Variants in FILIP1L observed in about 807,000 individuals in gnomAD.
FILIP1L encodes filamin A-interacting protein 1-like.
In FILIP1L, 55 loss-of-function variants were observed where a neutral mutation model predicts 96.6. The observed-to-expected ratio is 0.57, with a 90% CI of 0.46 to 0.71. The LOEUF (loss-of-function observed/expected upper bound fraction) is 0.71. Ranked by LOEUF, FILIP1L falls within the 30% of genes least tolerant of loss-of-function variation. The pLI, the probability that FILIP1L is intolerant of heterozygous loss-of-function variation, is 0.00. For missense variants in FILIP1L, 1,304 were observed against 1,321.2 expected (o/e 0.99, Z 0.20); for synonymous variants, 467 against 473.9 (o/e 0.99, Z 0.19).
intron 4 of FILIP1L, among the ~76,000 whole-genome samples, chr3:99,900,442 T>C (rs1267714712): frequency 6.6e-6 from 1 of 152,196 alleles, no homozygotes; most frequent in Non-Finnish European, 1.5e-5. Context: ...ATGAAGAAAC[T>C]GAGTCTCTAA....
intron 4 of FILIP1L, among the ~76,000 whole-genome samples, chr3:99,874,923 G>A (rs1705434753): frequency 6.6e-6 from 1 of 152,098 alleles, no homozygotes; most frequent in Non-Finnish European, 1.5e-5. Flanking sequence ...TCATTTTAGT[G>A]CCAACTAAAA....
rs545356638 is a variant in FILIP1L at position 100,066,517 on chromosome 3, C to CTTTT, written c.-11+47532_-11+47535dup. ...AAGGATGATGTGGAAGGCTTTGCTT[C>CTTTT]TTTTTTTTTTTTTTTTTTTTTTTTT... On this transcript the variant is annotated intron_variant, in intron 1 of 5. Coordinates refer to ENST00000477258, the MANE Select transcript of FILIP1L (RefSeq NM_001387850.1). Among the ~76,000 whole-genome samples, 98 of 38,330 alleles carry CTTTT rather than the reference C, an allele frequency of 2.6e-3. 2 individuals carry two copies. The highest frequency in any genetic ancestry group is 3.5e-3 in the African/African-American group (31 of 8,818). The allele number at this position is 38,330 out of a possible 152,430, so 25.1% of individuals were successfully genotyped here.
intron 1 of FILIP1L, among the ~76,000 whole-genome samples, chr3:100,074,675 A>ATTTTTTTTTTTT (rs555819875): frequency 0.015 from 510 of 34,794 alleles, 204 homozygotes; most frequent in East Asian, 0.022. Flanking sequence ...GCAACATTTG[A>ATTTTTTTTTTTT]TTTTTTTTTT....
intron 1 of FILIP1L, among the ~76,000 whole-genome samples, chr3:100,054,850 A>C (rs139378158): frequency 4.6e-5 from 7 of 152,306 alleles, no homozygotes; most frequent in Admixed American, 2.0e-4. Flanking sequence ...TTCAGATGCA[A>C]AAACTGAAAT....
chr3:99,887,491 A>C (rs1269645265), intron 4 of FILIP1L, among the ~76,000 whole-genome samples: 1 of 152,210 alleles, frequency 6.6e-6, no homozygotes, highest in Non-Finnish European at 1.5e-5. Context: ...CTGAGAGGTC[A>C]CATAAGATGG....
chr3:99,930,547 C>T (rs899221637), intron 2 of FILIP1L, among the ~76,000 whole-genome samples: 6 of 152,210 alleles, frequency 3.9e-5, no homozygotes, highest in Admixed American at 2.0e-4. Flanking sequence ...TGACCTTTCA[C>T]GACCTGTATG....
intron 5 of FILIP1L, among the ~76,000 whole-genome samples, chr3:99,847,567 C>T (rs998172918): frequency 2.0e-5 from 3 of 152,068 alleles, no homozygotes; most frequent in African/African-American, 7.2e-5. Context: ...CTTCTATGTG[C>T]TCATGAAAAC....
intron 1 of FILIP1L, among the ~76,000 whole-genome samples, chr3:100,055,875 AT>A (rs1200872380): frequency 6.6e-6 from 1 of 152,216 alleles, no homozygotes; most frequent in African/African-American, 2.4e-5. Flanking sequence ...GAAGTTTTTC[AT>A]AACTACCTTC....
chr3:99,942,929 G>A (rs1360234044), intron 1 of FILIP1L, among the ~76,000 whole-genome samples: 3 of 152,024 alleles, frequency 2.0e-5, no homozygotes, highest in African/African-American at 4.8e-5. Flanking sequence ...ACCAAGCTTG[G>A]GTATCAGGCA....
intron 1 of FILIP1L, among the ~76,000 whole-genome samples, chr3:99,931,467 T>G (rs1707480430): frequency 1.3e-5 from 2 of 152,234 alleles, no homozygotes; most frequent in African/African-American, 4.8e-5. Context: ...TTTAAAATTG[T>G]TGGGAGCTTT....
intron 1 of FILIP1L, among the ~76,000 whole-genome samples, chr3:100,094,188 T>C (rs1462888680): frequency 1.3e-5 from 2 of 152,228 alleles, no homozygotes; most frequent in Admixed American, 1.3e-4. Context: ...GTTAATGATG[T>C]GGGACATCTT....
rs1181775607 is a variant in FILIP1L, at chr3:100,114,345, C to T, written c.-303G>A. The T allele has an allele frequency of 1.3e-5, 2 of 152,268 alleles. No homozygotes were observed. The highest frequency in any genetic ancestry group is 2.9e-5 in the Non-Finnish European group (2 of 68,158). 9.4% of individuals were successfully genotyped at this position (152,268 alleles called of 1,614,324 possible). A position where few individuals can be genotyped will look rare whatever the true frequency, so the allele number is the denominator to read the frequency against. ...TCCTTCATGCTCTGAAGACAGGCAGCCTTACCAAAACTCTTACCCCACAGC... is the reference window on the plus strand; with the variant it reads ...TCCTTCATGCTCTGAAGACAGGCAGTCTTACCAAAACTCTTACCCCACAGC... On this transcript the variant is annotated 5_prime_UTR_variant, in exon 1 of 6. Coordinates refer to ENST00000477258, the MANE Select transcript of FILIP1L (RefSeq NM_001387850.1).
chr3:100,088,665 C>A (rs182843855), intron 1 of FILIP1L, among the ~76,000 whole-genome samples: 142 of 152,170 alleles, frequency 9.3e-4, no homozygotes, highest in African/African-American at 3.3e-3. Flanking sequence ...TCTCTCTCTT[C>A]TTTTTCTCCT....
At chr3:100,054,741 C>A (rs1294822358) in intron 1 of FILIP1L, among the ~76,000 whole-genome samples, 3 of 152,140 alleles carry the variant, frequency 2.0e-5, no homozygotes, top group African/African-American at 7.2e-5. Flanking sequence ...CCACCAATAC[C>A]CTCAAGCCCT....
chr3:99,994,733 CATGGTGGGAGGCAAA>C (rs1709625085), intron 1 of FILIP1L, among the ~76,000 whole-genome samples: 1 of 152,158 alleles, frequency 6.6e-6, no homozygotes, highest in Non-Finnish European at 1.5e-5. Flanking sequence ...GCCTCAGAAT[CATGGTGGGAGGCAAA>C]AGGCACTTCT....
At chr3:99,955,226 A>G (rs1051422309) in intron 1 of FILIP1L, among the ~76,000 whole-genome samples, 21 of 152,232 alleles carry the variant, frequency 1.4e-4, no homozygotes, top group African/African-American at 4.3e-4. Flanking sequence ...CTCTGTAGTA[A>G]TAAAGTGGCA....
chr3:100,063,041 C>G (rs1458837081), intron 1 of FILIP1L, among the ~76,000 whole-genome samples: 2 of 152,214 alleles, frequency 1.3e-5, no homozygotes, highest in African/African-American at 4.8e-5. Flanking sequence ...CTCAAGATGG[C>G]ATTTGGAGTT....
At position 99,830,451 on chromosome 3, in the gene FILIP1L, G is replaced by A. The variant is rs1031616168; in HGVS notation, c.3536C>T (p.Thr1179Ile). ...TCCCACGTGGAGGAAGGTGTTGGAG[G>A]TGACAGTTCTCACGATGTGTAGCTT... ...CGKLHIVRTVTSNTFLHVGGR... is the reference protein window; with the variant it reads ...CGKLHIVRTVISNTFLHVGGR... Residue 1179 changes from threonine to isoleucine, a missense_variant, in exon 6 of 6, where the codon ACC becomes ATC. Thr to Ile is a moderately conservative substitution (Grantham distance 89, BLOSUM62 -1). Coordinates refer to ENST00000477258, the MANE Select transcript of FILIP1L (RefSeq NM_001387850.1). 4.4e-6 allele frequency: 2 copies of A among 455,472 alleles called. No individual in the cohort carries two copies. The highest frequency in any genetic ancestry group is 8.8e-6 in the Non-Finnish European group (2 of 226,172). 28.2% of individuals were successfully genotyped at this position (455,472 alleles called of 1,614,324 possible). A position where few individuals can be genotyped will look rare whatever the true frequency, so the allele number is the denominator to read the frequency against.
intron 1 of FILIP1L, among the ~76,000 whole-genome samples, chr3:100,109,164 G>A (rs2066444301): frequency 6.6e-6 from 1 of 150,900 alleles, no homozygotes; most frequent in Non-Finnish European, 1.5e-5. Flanking sequence ...CAAGGTGGTT[G>A]GACTCTATTA....
Sources: gnomAD v4.1 joint callset for allele counts (sites outside exome capture counted in the v4.1 genomes callset) on GRCh38, gnomAD v4.1.1 for gene constraint, MANE v1.5 for transcripts, NCBI Gene and HGNC (gene_info 2026-07-23, HGNC 2026-07-21) for gene names.